MAP2K6: variants seen among roughly 807,000 people sequenced by gnomAD.
The protein encoded by MAP2K6 is mitogen-activated protein kinase kinase 6.
Under a neutral mutation model 53.7 loss-of-function variants are expected in MAP2K6, and 16 were observed. The observed-to-expected ratio is 0.30, with a 90% CI of 0.20 to 0.45. The LOEUF is 0.45. Ranked by LOEUF, MAP2K6 falls within the 20% of genes least tolerant of loss-of-function variation. The pLI is 1.00. For synonymous variants in MAP2K6, 132 were observed against 143.1 expected, an observed-to-expected ratio of 0.92 and a Z score of 0.55; for missense variants, 204 against 411.9, an observed-to-expected ratio of 0.50 and a Z score of 4.37.
intron 1 of MAP2K6, among the ~76,000 whole-genome samples, chr17:69,471,647 G>A (rs1310496547): frequency 4.6e-5 from 7 of 152,084 alleles, no homozygotes; most frequent in African/African-American, 4.8e-5. Flanking sequence ...AAACTAGCAC[G>A]TGTACCCTTG....
chr17:69,490,822 T>C (rs1194376135), intron 1 of MAP2K6, among the ~76,000 whole-genome samples: 1 of 152,104 alleles, frequency 6.6e-6, no homozygotes, highest in African/African-American at 2.4e-5. Context: ...TACCCAAGTA[T>C]TAAGCCTAGT....
intron 10 of MAP2K6, among the ~76,000 whole-genome samples, chr17:69,535,365 G>T (rs1043444098): frequency 1.3e-5 from 2 of 152,158 alleles, no homozygotes; most frequent in Non-Finnish European, 2.9e-5. Context: ...GGCTGAGGCA[G>T]GTGGATCACT....
intron 9 of MAP2K6, 28 bp from the exon 10 acceptor site, chr17:69,526,542 T>G (rs1443744304): frequency 6.8e-6 from 11 of 1,609,826 alleles, no homozygotes; most frequent in Non-Finnish European, 9.3e-6. Context: ...GTTGAAACTG[T>G]TGTCTCCTTT....
intron 1 of MAP2K6, among the ~76,000 whole-genome samples, chr17:69,438,476 T>C (rs1906718292): frequency 6.6e-6 from 1 of 152,244 alleles, no homozygotes; most frequent in African/African-American, 2.4e-5. Flanking sequence ...AGATTCAAAC[T>C]CATATCTGAC....
Position 69,422,390 on chromosome 17 carries a change from C to T in MAP2K6, c.16+7390C>T, listed in dbSNP as rs970044420. ...CAGGTGATCCACCCACCTCGGCCTC[C>T]CGAAGCACTGGGATTACAGGTATGA... On this transcript the variant is annotated intron_variant, in intron 1 of 11. Transcript: ENST00000590474. Among the ~76,000 whole-genome samples the T allele has an allele frequency of 5.9e-5, 9 of 152,150 alleles. No homozygotes were observed. The East Asian group carries it at 1.7e-3, about 29-fold the overall frequency.
chr17:69,541,570 A>G (rs750041971), intron 11 of MAP2K6, 106 bp from the exon 12 acceptor site: 8 of 782,844 alleles, frequency 1.0e-5, no homozygotes, highest in Admixed American at 2.4e-5. Context: ...CCTAGCTCTG[A>G]TAGGGATACT....
At chr17:69,419,042 G>A (rs1905992582) in intron 1 of MAP2K6, among the ~76,000 whole-genome samples, 1 of 151,912 alleles carries the variant, frequency 6.6e-6, no homozygotes, top group Admixed American at 6.6e-5. Flanking sequence ...ACTATATATT[G>A]TATTTTGTAA....
At chr17:69,513,030 G>C (rs1268017364) in intron 2 of MAP2K6, among the ~76,000 whole-genome samples, 1 of 152,160 alleles carries the variant, frequency 6.6e-6, no homozygotes, top group African/African-American at 2.4e-5. Context: ...TCTTTCCCCA[G>C]AGGACTAAAA....
chr17:69,531,045 C>A (rs1292580741), intron 10 of MAP2K6, among the ~76,000 whole-genome samples: 1 of 150,896 alleles, frequency 6.6e-6, no homozygotes, highest in East Asian at 1.9e-4. Flanking sequence ...GACATAACTT[C>A]ATTAAAGGAC....
intron 1 of MAP2K6, among the ~76,000 whole-genome samples, chr17:69,450,101 ATTTTTTTT>A (rs55956707): frequency 1.6e-5 from 2 of 124,902 alleles, no homozygotes; most frequent in South Asian, 2.7e-4. Flanking sequence ...CACCTGGCTA[ATTTTTTTT>A]TTTTTTTTTT....
chr17:69,448,753 G>A (rs1243128013), intron 1 of MAP2K6, among the ~76,000 whole-genome samples: 1 of 152,174 alleles, frequency 6.6e-6, no homozygotes, highest in Non-Finnish European at 1.5e-5. Context: ...ACTCATCCTG[G>A]CGCTTTGCAG....
chr17:69,505,902 T>TG lies in MAP2K6; in HGVS notation c.83+61dup, dbSNP rs1909445674. ...AATCCTTGTGCTTTCAGATTCCTCC[T>TG]GGGGGTTTATTTTTGGACTGCTGAG... On this transcript the variant is annotated intron_variant, in intron 2 of 11. Transcript: ENST00000590474. The TG allele has an allele frequency of 2.0e-6, 3 of 1,501,370 alleles. No individual in the cohort carries two copies. The Admixed American group carries it at 5.3e-5, about 26-fold the overall frequency. 93.0% of individuals were successfully genotyped at this position (1,501,370 alleles called of 1,614,324 possible).
At chr17:69,513,315 A>G (rs1246188591) in intron 2 of MAP2K6, among the ~76,000 whole-genome samples, 1 of 152,234 alleles carries the variant, frequency 6.6e-6, no homozygotes, top group Non-Finnish European at 1.5e-5. Context: ...GAATCGCAAG[A>G]GCAGGTAAAA....
Position 69,462,782 on chromosome 17 carries a change from T to C in MAP2K6, c.17-42998T>C, listed in dbSNP as rs534752212. Among the ~76,000 whole-genome samples, 6 of 152,164 alleles carry C rather than the reference T, an allele frequency of 3.9e-5. No individual in the cohort carries two copies. The South Asian group carries it at 1.2e-3, about 32-fold the overall frequency. On this transcript the variant is annotated intron_variant, in intron 1 of 11. Transcript: ENST00000590474. ...CCCTTGCCCTTAGAATGCCCTTTTC[T>C]CCATATTTGCCTTTAAGAAGTCATG...
chr17:69,526,631 A>G lies in MAP2K6; in HGVS notation c.803A>G (p.Lys268Arg). 1 of 1,614,096 alleles carries G rather than the reference A, an allele frequency of 6.2e-7. No homozygotes were observed. Residue 268 changes from lysine (K) to arginine (R), a missense_variant, in exon 10 of 12, where the codon AAA becomes AGA. Transcript: ENST00000590474. The stretch of plus-strand genomic sequence containing the variant: ...TGGGGAACTCCATTTCAGCAGCTCA[A>G]ACAGGTGGTAGAGGAGCCATCGCCA... ...DSWGTPFQQL[K>R]QVVEEPSPQL...
rs558997049 is a variant in MAP2K6, at chr17:69,550,637, G to A, written c.*8884G>A. On this transcript the variant is annotated 3_prime_UTR_variant, in exon 12 of 12. Coordinates refer to ENST00000590474, the MANE Select transcript of MAP2K6 (RefSeq NM_002758.4). ...GTTCAATACTTGGGGAGATAAGAGC[G>A]AGGTACAGCTGTGGTTTTCAGACCA... is the stretch of plus-strand genomic sequence containing the variant. 1 of 152,284 alleles carries A rather than the reference G, an allele frequency of 6.6e-6. No homozygotes were observed. The highest frequency in any genetic ancestry group is 1.9e-4 in the East Asian group (1 of 5,194). The allele number at this position is 152,284 out of a possible 1,614,324, so 9.4% of individuals were successfully genotyped here.
At chr17:69,504,256 G>A (rs1909335233) in intron 1 of MAP2K6, among the ~76,000 whole-genome samples, 3 of 152,074 alleles carry the variant, frequency 2.0e-5, no homozygotes, top group Admixed American at 2.0e-4. Context: ...GAAGAGGTGG[G>A]AAAGGAGGTA....
chr17:69,480,856 G>C (rs975349419), intron 1 of MAP2K6, among the ~76,000 whole-genome samples: 42 of 152,248 alleles, frequency 2.8e-4, no homozygotes, highest in African/African-American at 1.0e-3. Context: ...GCTTGGTTTT[G>C]GATTCAGACC....
At chr17:69,503,146 C>A (rs1002595011) in intron 1 of MAP2K6, among the ~76,000 whole-genome samples, 3 of 152,146 alleles carry the variant, frequency 2.0e-5, no homozygotes, top group Admixed American at 6.6e-5. Context: ...GTAGGGTCGC[C>A]TTTTGGGATT....
Sources: allele counts gnomAD v4.1 joint callset (sites outside exome capture counted in the v4.1 genomes callset), GRCh38; gene constraint gnomAD v4.1.1; transcripts MANE v1.5; gene names NCBI Gene and HGNC (gene_info 2026-07-23, HGNC 2026-07-21).